NCAM2: variants seen among roughly 807,000 people sequenced by gnomAD.
NCAM2 encodes neural cell adhesion molecule 2, also known as N-CAM-2.
In NCAM2, 30 loss-of-function variants were observed where a neutral mutation model predicts 98.1. The observed-to-expected ratio is 0.31, with a 90% confidence interval of 0.23 to 0.41. The LOEUF (loss-of-function observed/expected upper bound fraction) is 0.41. Ranked by LOEUF, NCAM2 falls within the 10% of genes least tolerant of loss-of-function variation. NCAM2 has a pLI of 1.00. For missense variants in NCAM2, 867 were observed against 1,005.8 expected (o/e 0.86, Z 1.87); for synonymous variants, 368 against 342.4 (o/e 1.07, Z -0.83).
chr21:21,457,642 GAAAAA>G (rs536117484), intron 12 of NCAM2, among the ~76,000 whole-genome samples: 1 of 136,498 alleles, frequency 7.3e-6, no homozygotes, highest in Non-Finnish European at 1.6e-5. Context: ...TCCTTCTCAA[GAAAAA>G]AAAAAAAAGT....
chr21:21,437,054 C>T (rs1375067873), intron 12 of NCAM2, among the ~76,000 whole-genome samples: 1 of 151,968 alleles, frequency 6.6e-6, no homozygotes, highest in Non-Finnish European at 1.5e-5. Flanking sequence ...GGATTACAGG[C>T]ATAAACCACC....
intron 15 of NCAM2, among the ~76,000 whole-genome samples, chr21:21,486,328 A>AAC (rs1986382180): frequency 2.0e-5 from 3 of 150,370 alleles, no homozygotes; most frequent in African/African-American, 7.3e-5. Flanking sequence ...AAAAAAAAAA[A>AAC]CTTCTGCTTC....
intron 12 of NCAM2, among the ~76,000 whole-genome samples, chr21:21,442,864 T>C (rs1383117865): frequency 1.3e-5 from 2 of 152,184 alleles, no homozygotes; most frequent in Admixed American, 1.3e-4. Context: ...GAGTCTATGT[T>C]ACTTGAAATA....
intron 9 of NCAM2, among the ~76,000 whole-genome samples, chr21:21,394,500 T>TTTTTTTTTTTGTTTTTTTTTTTTG (rs2076456570): frequency 1.1e-5 from 1 of 89,666 alleles, no homozygotes; most frequent in African/African-American, 4.7e-5. Flanking sequence ...TTTTTTTTTT[T>TTTTTTTTTTTGTTTTTTTTTTTTG]TTTTTTGAGA....
chr21:21,035,412 C>T (rs1156280405), intron 1 of NCAM2, among the ~76,000 whole-genome samples: 1 of 152,088 alleles, frequency 6.6e-6, no homozygotes, highest in East Asian at 1.9e-4. Flanking sequence ...CAATTTTGCT[C>T]TCAAAAACAT....
At chr21:21,206,714 A>G (rs182193853) in intron 1 of NCAM2, among the ~76,000 whole-genome samples, 19 of 152,280 alleles carry the variant, frequency 1.2e-4, no homozygotes, top group African/African-American at 4.6e-4. Context: ...AATGTAGGAT[A>G]TCTTAAATTT....
chr21:21,421,364 G>C (rs2145972064), intron 11 of NCAM2, among the ~76,000 whole-genome samples: 2 of 131,158 alleles, frequency 1.5e-5, no homozygotes, highest in East Asian at 4.6e-4. Context: ...TTTCATCAAA[G>C]CTGAGTTAGA....
intron 1 of NCAM2, among the ~76,000 whole-genome samples, chr21:21,003,349 C>T (rs923981003): frequency 6.6e-6 from 1 of 152,108 alleles, no homozygotes; most frequent in Non-Finnish European, 1.5e-5. Context: ...TCAAATCTTT[C>T]TTGGCTCCAT....
intron 1 of NCAM2, among the ~76,000 whole-genome samples, chr21:21,193,417 T>C (rs1014395522): frequency 1.3e-5 from 2 of 150,140 alleles, no homozygotes; most frequent in Non-Finnish European, 3.0e-5. Flanking sequence ...ATTGTGGTCA[T>C]AACAGGGAAA....
intron 1 of NCAM2, among the ~76,000 whole-genome samples, chr21:21,157,779 T>A (rs886327221): frequency 1.3e-5 from 2 of 152,156 alleles, no homozygotes; most frequent in Admixed American, 6.5e-5. Flanking sequence ...TTAAAAGGAT[T>A]CATTCTAGGC....
At chr21:21,214,283 T>G (rs770298612) in intron 1 of NCAM2, among the ~76,000 whole-genome samples, 19 of 152,158 alleles carry the variant, frequency 1.2e-4, no homozygotes, top group Non-Finnish European at 2.6e-4. Context: ...AGCATGGTAA[T>G]TACCCATTTT....
At chr21:21,237,816 A>G (rs1442032202) in intron 1 of NCAM2, among the ~76,000 whole-genome samples, 1 of 152,144 alleles carries the variant, frequency 6.6e-6, no homozygotes, top group Non-Finnish European at 1.5e-5. Context: ...TTTCTTAACC[A>G]ATACTCATAT....
chr21:21,074,365 T>G (rs2065635258), intron 1 of NCAM2, among the ~76,000 whole-genome samples: 1 of 152,116 alleles, frequency 6.6e-6, no homozygotes, highest in Non-Finnish European at 1.5e-5. Context: ...TTTATTACAT[T>G]TATTGATTAA....
intron 9 of NCAM2, among the ~76,000 whole-genome samples, chr21:21,401,459 T>C (rs2076628645): frequency 6.6e-6 from 1 of 152,200 alleles, no homozygotes; most frequent in African/African-American, 2.4e-5. Context: ...AACATCTTTC[T>C]ATTCCTCTTA....
intron 5 of NCAM2, among the ~76,000 whole-genome samples, chr21:21,322,647 A>G (rs1198423066): frequency 1.3e-5 from 2 of 152,134 alleles, no homozygotes; most frequent in Admixed American, 1.3e-4. Context: ...GCTCAAATAA[A>G]TTTGAAGGAA....
chr21:21,249,671 ATTAT>A (rs1241054862), intron 1 of NCAM2, among the ~76,000 whole-genome samples: 1 of 126,644 alleles, frequency 7.9e-6, no homozygotes, highest in Non-Finnish European at 1.6e-5. Context: ...CACCCCCACA[ATTAT>A]TTATTTATTT....
intron 5 of NCAM2, among the ~76,000 whole-genome samples, chr21:21,309,282 T>C (rs1294849788): frequency 2.6e-5 from 4 of 152,214 alleles, no homozygotes; most frequent in Non-Finnish European, 4.4e-5. Flanking sequence ...TTTTTTGTTT[T>C]GTTGTTCTTT....
intron 1 of NCAM2, among the ~76,000 whole-genome samples, chr21:21,254,456 G>A (rs2071587771): frequency 1.3e-5 from 2 of 152,172 alleles, no homozygotes; most frequent in African/African-American, 4.8e-5. Flanking sequence ...TAATCTGCTA[G>A]TTAAGTCGTG....
At chr21:21,168,780 T>G (rs1277409854) in intron 1 of NCAM2, among the ~76,000 whole-genome samples, 1 of 152,144 alleles carries the variant, frequency 6.6e-6, no homozygotes, top group Non-Finnish European at 1.5e-5. Context: ...CTATGATGAA[T>G]GATATCAAAG....
Sources: allele counts gnomAD v4.1 joint callset (sites outside exome capture counted in the v4.1 genomes callset), GRCh38; gene constraint gnomAD v4.1.1; transcripts MANE v1.5; gene names NCBI Gene and HGNC (gene_info 2026-07-23, HGNC 2026-07-21).